The following FBRSL1 variants were observed in gnomAD, a reference collection of about 807,000 sequenced individuals.
FBRSL1 encodes fibrosin like 1.
In FBRSL1, 51 loss-of-function variants were observed where a neutral mutation model predicts 89.6. The ratio of observed to expected loss-of-function variants is 0.57; its 90% confidence interval spans 0.45 to 0.72. The LOEUF is 0.72. FBRSL1 is among the 30% of genes least tolerant of loss of function. The pLI is 0.00. For missense variants in FBRSL1, 1,618 were observed against 1,451.8 expected (o/e 1.11, Z -1.86); for synonymous variants, 779 against 681.1 (o/e 1.14, Z -2.24).
chr12:132,507,854 C>G (rs189262389), intron 1 of FBRSL1, among the ~76,000 whole-genome samples: 2 of 152,264 alleles, frequency 1.3e-5, no homozygotes, highest in Admixed American at 1.3e-4. Flanking sequence ...CTGGGCAGCC[C>G]TGGGCTGGCC....
At chr12:132,506,720 G>A (rs1217333263) in intron 1 of FBRSL1, among the ~76,000 whole-genome samples, 42 of 152,276 alleles carry the variant, frequency 2.8e-4, no homozygotes, top group Admixed American at 2.7e-3. Flanking sequence ...GGGCAGCCCT[G>A]ACAGATCCTG....
chr12:132,506,008 G>A (rs527698135), intron 1 of FBRSL1, among the ~76,000 whole-genome samples: 27 of 152,378 alleles, frequency 1.8e-4, no homozygotes, highest in African/African-American at 6.5e-4. Context: ...GCTGCGCCTG[G>A]AGCCGGAGAT....
Position 132,574,176 on chromosome 12 carries a change from C to T in FBRSL1, c.1599+18C>T, listed in dbSNP as rs1191269467. The T allele has an allele frequency of 2.8e-6, 4 of 1,426,784 alleles. No homozygotes were observed. The East Asian group carries it at 7.7e-5, about 27-fold the overall frequency. The allele number at this position is 1,426,784 out of a possible 1,614,324, so 88.4% of individuals were successfully genotyped here. ...CGCCTGGGGTAGGTGTTAGTGGGCG[C>T]CCGTCCCCACCCCGGGGGATGGCCT... On this transcript the variant is annotated intron_variant, in intron 12 of 18. Coordinates refer to ENST00000680143, the MANE Select transcript of FBRSL1 (RefSeq NM_001367871.1).
chr12:132,510,673 A>C, intron 2 of FBRSL1: 2 of 1,227,204 alleles, frequency 1.6e-6, no homozygotes, highest in Non-Finnish European at 1.0e-6. Flanking sequence ...GGCTCACCAC[A>C]CCAGGAAGAG....
At chr12:132,509,085 G>A (rs1375372168) in intron 2 of FBRSL1, 1 of 1,196,182 alleles carries the variant, frequency 8.4e-7, no homozygotes, top group Non-Finnish European at 1.0e-6. Flanking sequence ...AGGGCAGCAT[G>A]CCTCCTGGGC....
intron 5 of FBRSL1, chr12:132,553,172 G>C (rs1294651182): frequency 6.6e-6 from 1 of 152,592 alleles, no homozygotes; most frequent in Non-Finnish European, 1.5e-5. Context: ...AAAGTGCAGG[G>C]AGCGGCGTCC....
chr12:132,563,870 ACACT>A (rs1470055349), intron 5 of FBRSL1, among the ~76,000 whole-genome samples: 3 of 78,818 alleles, frequency 3.8e-5, no homozygotes, highest in Non-Finnish European at 6.3e-5. Flanking sequence ...CTACGACTGT[ACACT>A]CACTCCCGTC....
At chr12:132,552,937 G>T (rs961988147) in intron 5 of FBRSL1, 1 of 158,058 alleles carries the variant, frequency 6.3e-6, no homozygotes, top group Non-Finnish European at 1.4e-5. Context: ...CAGCAGTCCA[G>T]TGTGCGGGCC....
intron 5 of FBRSL1, among the ~76,000 whole-genome samples, chr12:132,561,741 C>G (rs1386467255): frequency 6.6e-6 from 1 of 152,226 alleles, no homozygotes; most frequent in East Asian, 1.9e-4. Context: ...GCGTGCGTGC[C>G]AGAGACAGTG....
intron 2 of FBRSL1, among the ~76,000 whole-genome samples, chr12:132,516,698 A>C (rs1055054579): frequency 6.6e-6 from 1 of 152,194 alleles, no homozygotes; most frequent in African/African-American, 2.4e-5. Context: ...TTGCCGGATG[A>C]GGATGCTGAA....
rs1300474405 is a variant in FBRSL1 at position 132,583,184 on chromosome 12, C to A, written c.2415C>A (p.Ser805Arg). 5 of 1,451,538 alleles carry A rather than the reference C, an allele frequency of 3.4e-6. No homozygotes were observed. The highest frequency in any genetic ancestry group is 4.5e-6 in the Non-Finnish European group (5 of 1,105,594). 89.9% of individuals were successfully genotyped at this position (1,451,538 alleles called of 1,614,324 possible). Reference sequence around the variant, plus strand: ...CCGCGCGCGCATCCCCGCCCCACAGCAAGGCGGCCCCTGGAGACGTGAAGG... The same window carrying A: ...CCGCGCGCGCATCCCCGCCCCACAGAAAGGCGGCCCCTGGAGACGTGAAGG... Reference protein sequence around the residue: ...KMPARASPPHSKAAPGDVKVK... With the variant: ...KMPARASPPHRKAAPGDVKVK... Residue 805 changes from serine (S) to arginine (R), a missense_variant, in exon 19 of 19, where the codon AGC becomes AGA. Ser to Arg is a moderately radical substitution (Grantham distance 110). Transcript: ENST00000680143.
intron 2 of FBRSL1, chr12:132,509,050 C>G: frequency 1.7e-6 from 2 of 1,211,388 alleles, no homozygotes; most frequent in Non-Finnish European, 2.1e-6. Flanking sequence ...CTCCTCGGCC[C>G]CCTTGGGAAT....
chr12:132,509,063 G>C (rs2034026437), intron 2 of FBRSL1: 22 of 1,229,124 alleles, frequency 1.8e-5, no homozygotes, highest in Middle Eastern at 6.2e-4. Context: ...TTGGGAATTG[G>C]GCTGCTGGAG....
chr12:132,512,106 C>T (rs1238432136), intron 2 of FBRSL1, among the ~76,000 whole-genome samples: 1 of 152,212 alleles, frequency 6.6e-6, no homozygotes, highest in Non-Finnish European at 1.5e-5. Context: ...CCTGCCCACC[C>T]ATCTGAGGCC....
intron 1 of FBRSL1, among the ~76,000 whole-genome samples, chr12:132,497,922 C>T (rs1389156260): frequency 6.6e-6 from 1 of 152,184 alleles, no homozygotes; most frequent in Non-Finnish European, 1.5e-5. Context: ...CCTAGAGACC[C>T]CTCGGGCCTG....
chr12:132,582,933 A>T (rs1029516721), intron 18 of FBRSL1, 38 bp from the exon 19 acceptor site: 3 of 1,351,902 alleles, frequency 2.2e-6, no homozygotes, highest in Non-Finnish European at 2.8e-6. Flanking sequence ...GGCAGGACGG[A>T]GGTCTCGGGA....
chr12:132,523,319 G>A (rs905329338), intron 2 of FBRSL1, among the ~76,000 whole-genome samples: 6 of 152,142 alleles, frequency 3.9e-5, no homozygotes, highest in African/African-American at 1.4e-4. Flanking sequence ...TTTTCGAGAC[G>A]TGGGACTTTC....
chr12:132,516,908 A>T (rs574181598), intron 2 of FBRSL1, among the ~76,000 whole-genome samples: 17 of 152,308 alleles, frequency 1.1e-4, no homozygotes, highest in South Asian at 2.1e-4. Flanking sequence ...GGTTGTTGAG[A>T]TGATAAAATG....
intron 2 of FBRSL1, chr12:132,509,487 C>A (rs969177825): frequency 9.7e-6 from 12 of 1,239,080 alleles, no homozygotes; most frequent in Non-Finnish European, 1.2e-5. Context: ...CCAGCGGTCA[C>A]GCCCGGCCCA....
Sources: allele counts gnomAD v4.1 joint callset (sites outside exome capture counted in the v4.1 genomes callset), GRCh38; gene constraint gnomAD v4.1.1; transcripts MANE v1.5; gene names NCBI Gene and HGNC (gene_info 2026-07-23, HGNC 2026-07-21).